Variants in DDX39A observed in about 807,000 individuals in gnomAD.
The protein encoded by DDX39A is DExD-box helicase 39A.
In DDX39A, 13 loss-of-function variants were observed where a neutral mutation model predicts 46.3. The ratio of observed to expected loss-of-function variants is 0.28; its 90% CI spans 0.18 to 0.45. The LOEUF is 0.45. DDX39A is among the 20% of genes least tolerant of loss of function. The probability of loss-of-function intolerance (pLI) is 1.00; values close to 1 mark genes in which losing one functional copy is unlikely to be tolerated. For missense variants in DDX39A, 352 were observed against 581.8 expected (o/e 0.61, Z 4.06); for synonymous variants, 234 against 224.6 (o/e 1.04, Z -0.38).
At chr19:14,416,854 TTTTG>T (rs1337856398) in intron 1 of DDX39A, among the ~76,000 whole-genome samples, 1 of 152,098 alleles carries the variant, frequency 6.6e-6, no homozygotes, top group East Asian at 1.9e-4. Context: ...CCTGGCTAAT[TTTTG>T]TTTTAGTAGA....
intron 1 of DDX39A, among the ~76,000 whole-genome samples, chr19:14,414,439 A>AC (rs1976724870): frequency 6.7e-6 from 1 of 149,034 alleles, no homozygotes; most frequent in African/African-American, 2.4e-5. Flanking sequence ...TGCAACCTCC[A>AC]CCTCCAGGGT....
rs1233597719 is a variant in DDX39A at position 14,409,349 on chromosome 19, A to G, written c.1073T>C (p.Val358Ala). The G allele has an allele frequency of 1.2e-6, 2 of 1,614,048 alleles. No individual in the cohort carries two copies. The highest frequency in any genetic ancestry group is 1.7e-6 in the Non-Finnish European group (2 of 1,180,036). ...GTCCTCAGGCATGTCGTAGTTAAAG[A>G]CGATGTTGACTCGCTCGATGTCCAT... ...RGMDIERVNI[V>A]FNYDMPEDSD... The change falls in exon 9 of 11, where the codon GTC becomes GCC. Residue 358 changes from valine to alanine, a missense_variant. Val to Ala is a moderately conservative substitution (Grantham distance 64, BLOSUM62 0). Transcript: ENST00000242776. The surrounding 1 kb of genome is among the most constrained non-coding windows in gnomAD (Gnocchi z 8.3).
chr19:14,419,242 G>C, intron 1 of DDX39A, 28 bp downstream of exon 1: 1 of 273,016 alleles, frequency 3.7e-6, no homozygotes, highest in South Asian at 2.7e-5. Context: ...CCCACACCGC[G>C]GCCCCGCGCC....
intron 1 of DDX39A, among the ~76,000 whole-genome samples, chr19:14,417,236 G>A (rs1217412828): frequency 6.6e-6 from 1 of 152,156 alleles, no homozygotes. Context: ...GTAGAGAAAA[G>A]CCACAGTCTA....
Position 14,409,879 on chromosome 19 carries a change from T to A in DDX39A, c.733-6A>T. 1 of 1,613,576 alleles carries A rather than the reference T, an allele frequency of 6.2e-7. No individual in the cohort carries two copies. Among genetic ancestry groups the A allele is most frequent in the African/African-American group, 1.3e-5 (1 of 75,018 alleles). On this transcript the variant is annotated splice_polypyrimidine_tract_variant and splice_region_variant and intron_variant, in intron 6 of 10. Transcript: ENST00000242776. The surrounding 1 kb of genome is among the most constrained non-coding windows in gnomAD (Gnocchi z 8.3). ...TCCACAAACACCTCCATGGGCTGTGTGGGAAGGGAGGTGGGAGGGGCGGGC... is the reference window on the plus strand; with the variant it reads ...TCCACAAACACCTCCATGGGCTGTGAGGGAAGGGAGGTGGGAGGGGCGGGC...
At chr19:14,417,832 T>C (rs1976874056) in intron 1 of DDX39A, among the ~76,000 whole-genome samples, 1 of 152,102 alleles carries the variant, frequency 6.6e-6, no homozygotes, top group Non-Finnish European at 1.5e-5. Context: ...CATTCCAGCC[T>C]GGGTGACAGA....
rs1976573002 is a variant in DDX39A at position 14,411,157 on chromosome 19, C to T, written c.445G>A (p.Gly149Ser). The part of the protein sequence containing the change: ...MPSVKVSVFF[G>S]GLSIKKDEEV... ...TCATCCTTCTTGATGGAGAGACCAC[C>T]GAAGAACACAGACACCTATGGGGAT... The change falls in exon 5 of 11, where the codon GGT (glycine) becomes AGT (serine). Residue 149 changes from glycine to serine, a missense_variant. By Grantham distance (56) the Gly-to-Ser change is moderately conservative. This residue lies in a region of DDX39A where 301 missense variants were observed against 469.9 expected (regional missense o/e 0.64). Transcript: ENST00000242776. This position sits in a 1 kb window ranked among gnomAD's most constrained non-coding sequence, Gnocchi z 4.1. 1.3e-6 allele frequency: 2 copies of T among 1,586,724 alleles called. No homozygotes were observed. Among genetic ancestry groups the T allele is most frequent in the African/African-American group, 2.7e-5 (2 of 73,480 alleles).
rs1195989755 is a variant in DDX39A, at chr19:14,409,864, C to T, written c.742G>A (p.Val248Met). ...AGCTTGGTCTCGTCGTCCACAAACA[C>T]CTCCATGGGCTGTGTGGGAAGGGAG... Reference protein sequence around the residue: ...CRKFMQDPMEVFVDDETKLTL... With the variant: ...CRKFMQDPMEMFVDDETKLTL... The change falls in exon 7 of 11, where the codon GTG becomes ATG. Residue 248 changes from valine (V) to methionine (M), a missense_variant. Coordinates refer to ENST00000242776, the MANE Select transcript of DDX39A (RefSeq NM_005804.4). The surrounding 1 kb of genome is among the most constrained non-coding windows in gnomAD (Gnocchi z 8.3). The T allele has an allele frequency of 6.2e-7, 1 of 1,614,004 alleles. No homozygotes were observed. Among genetic ancestry groups the T allele is most frequent in the South Asian group, 1.1e-5 (1 of 91,078 alleles).
rs759822202 is a variant in DDX39A, at chr19:14,410,204, C to T, written c.732+12G>A. The T allele has an allele frequency of 5.9e-5, 95 of 1,611,658 alleles. No homozygotes were observed. The highest frequency in any genetic ancestry group is 7.3e-5 in the Non-Finnish European group (86 of 1,178,008). ...TGGGGAAGGCCAAAGCTGCCACTCT[C>T]GCCCTACTCACATCCTGCATGAACT... On this transcript the variant is annotated intron_variant, in intron 6 of 10. Transcript: ENST00000242776. The surrounding 1 kb of genome is among the most constrained non-coding windows in gnomAD (Gnocchi z 4.3).
intron 1 of DDX39A, chr19:14,416,273 G>C (rs1361684025): frequency 6.6e-6 from 1 of 152,304 alleles, no homozygotes; most frequent in African/African-American, 2.4e-5. Flanking sequence ...ACACACCTCA[G>C]CACCTTTGCA....
At chr19:14,418,712 T>C (rs559353448) in intron 1 of DDX39A, among the ~76,000 whole-genome samples, 27 of 152,208 alleles carry the variant, frequency 1.8e-4, no homozygotes, top group African/African-American at 6.3e-4. Flanking sequence ...TCCGCCCTCC[T>C]TGGTCTCTCC....
Position 14,409,794 on chromosome 19 carries a change from C to T in DDX39A, c.812G>A (p.Ser271Asn). 2 of 1,614,164 alleles carry T rather than the reference C, an allele frequency of 1.2e-6. No individual in the cohort carries two copies. The highest frequency in any genetic ancestry group is 1.7e-6 in the Non-Finnish European group (2 of 1,180,028). Residue 271 changes from serine (S) to asparagine (N), a missense_variant, in exon 7 of 11, where the codon AGT (serine) becomes AAT (asparagine). Physicochemically the swap from Ser to Asn is conservative, Grantham distance 46. Coordinates refer to ENST00000242776, the MANE Select transcript of DDX39A (RefSeq NM_005804.4). This position sits in a 1 kb window ranked among gnomAD's most constrained non-coding sequence, Gnocchi z 8.3. ...LQQYYVKLKD[S>N]EKNRKLFDLL... ...ATCAAAGAGCTTGCGGTTCTTCTCACTGTCTTTGAGTTTGACGTAGTACTG... is the reference window on the plus strand; with the variant it reads ...ATCAAAGAGCTTGCGGTTCTTCTCATTGTCTTTGAGTTTGACGTAGTACTG...
At position 14,409,115 on chromosome 19, in the gene DDX39A, T is replaced by C. The variant is rs747871100; in HGVS notation, c.1189A>G (p.Lys397Glu). 5.6e-6 allele frequency: 9 copies of C among 1,614,230 alleles called. No individual in the cohort carries two copies. The Admixed American group carries it at 1.5e-4, about 27-fold the overall frequency. ...CGGTCCTGGACGTCATTGAGGATTT[T>C]GGCATCATTCTCGTCAGACACAAAA... The part of the protein sequence containing the change: ...ITFVSDENDA[K>E]ILNDVQDRFE... The change falls in exon 10 of 11, where the codon AAA becomes GAA. Residue 397 changes from lysine (K) to glutamate (E), a missense_variant. By Grantham distance (56) the Lys-to-Glu change is moderately conservative (BLOSUM62 1). Around this residue, in one of 3 missense-constraint regions of DDX39A, gnomAD observed 301 missense variants for 469.9 expected, o/e 0.64. Transcript: ENST00000242776. The surrounding 1 kb of genome is among the most constrained non-coding windows in gnomAD (Gnocchi z 8.3).
chr19:14,419,352 G>T (rs1976954690), upstream of DDX39A: 14 of 220,890 alleles, frequency 6.3e-5, no homozygotes, highest in South Asian at 5.6e-4. Context: ...ACGAGTTGCT[G>T]CGCTTCCTGC....
chr19:14,411,335 C>T lies in DDX39A; in HGVS notation c.430-163G>A. ...AGCCCCAGGCTGGGACCTGCGCAGGCCCCTGGGAGCCATGCATAATTCATC... is the reference window on the plus strand; with the variant it reads ...AGCCCCAGGCTGGGACCTGCGCAGGTCCCTGGGAGCCATGCATAATTCATC... On this transcript the variant is annotated intron_variant, in intron 4 of 10. Transcript: ENST00000242776. The surrounding 1 kb of genome is among the most constrained non-coding windows in gnomAD (Gnocchi z 4.1). 2 of 995,864 alleles carry T rather than the reference C, an allele frequency of 2.0e-6. No homozygotes were observed. Among genetic ancestry groups the T allele is most frequent in the Non-Finnish European group, 3.0e-6 (2 of 676,592 alleles). The allele number at this position is 995,864 out of a possible 1,614,324, so 61.7% of individuals were successfully genotyped here. A position where few individuals can be genotyped will look rare whatever the true frequency, so the allele number is the denominator to read the frequency against.
chr19:14,419,106 C>T (rs961120102), intron 1 of DDX39A, 164 bp downstream of exon 1: 8 of 409,000 alleles, frequency 2.0e-5, no homozygotes, highest in Middle Eastern at 5.1e-4. Flanking sequence ...CGCCCCGGTG[C>T]CCAACGGCCA....
intron 1 of DDX39A, among the ~76,000 whole-genome samples, chr19:14,415,583 C>T (rs928488858): frequency 6.6e-6 from 1 of 150,860 alleles, no homozygotes; most frequent in African/African-American, 2.4e-5. Context: ...AGGTGTGAGC[C>T]ACCACACCTG....
At position 14,413,136 on chromosome 19, in the gene DDX39A, G is replaced by T; in HGVS notation, c.85C>A (p.Pro29Thr). Residue 29 changes from proline to threonine, a missense_variant, in exon 2 of 11, where the codon CCC (proline) becomes ACC (threonine). Pro to Thr is a conservative substitution (Grantham distance 38). This residue lies in a region of DDX39A where 46 missense variants were observed against 78.2 expected (regional missense o/e 0.59). Coordinates refer to ENST00000242776, the MANE Select transcript of DDX39A (RefSeq NM_005804.4). ...GATCCCTTGATGTCTTTCTTAGGGG[G>T]AGCTGGTGTGCTCTCTTGAGGAGCC... ...PQAPQESTPA[P>T]PKKDIKGSYV... 6.2e-7 allele frequency: 1 copy of T among 1,614,134 alleles called. No homozygotes were observed. The highest frequency in any genetic ancestry group is 8.5e-7 in the Non-Finnish European group (1 of 1,180,010).
chr19:14,410,037 C>T lies in DDX39A; in HGVS notation c.733-164G>A, dbSNP rs560992062. On this transcript the variant is annotated intron_variant, in intron 6 of 10. Transcript: ENST00000242776. The surrounding 1 kb of genome is among the most constrained non-coding windows in gnomAD (Gnocchi z 4.3). The stretch of plus-strand genomic sequence containing the variant: ...CAAAAGCTGGATGTAAGCTCTGGCC[C>T]GACTCAGGTGTGGACCAAGCTTGAC... The T allele has an allele frequency of 6.3e-6, 7 of 1,104,346 alleles. No individual in the cohort carries two copies. The highest frequency in any genetic ancestry group is 1.5e-5 in the African/African-American group (1 of 65,394). 68.4% of individuals were successfully genotyped at this position (1,104,346 alleles called of 1,614,324 possible). A position where few individuals can be genotyped will look rare whatever the true frequency, so the allele number is the denominator to read the frequency against.
Sources: allele counts gnomAD v4.1 joint callset (sites outside exome capture counted in the v4.1 genomes callset), GRCh38; gene constraint gnomAD v4.1.1; regional missense constraint gnomAD v4.1.1; non-coding constraint Gnocchi (gnomAD v3.1); transcripts MANE v1.5; gene names NCBI Gene and HGNC (gene_info 2026-07-23, HGNC 2026-07-21).